The following AGTPBP1 variants were observed in gnomAD, a reference collection of about 807,000 sequenced individuals.
AGTPBP1 encodes the protein ATP/GTP binding carboxypeptidase 1.
In AGTPBP1, 70 loss-of-function variants were observed where a neutral mutation model predicts 143.9. That is an observed-to-expected ratio of 0.49 (90% CI 0.40 to 0.59). AGTPBP1 has a LOEUF of 0.59. Ranked by LOEUF, AGTPBP1 falls within the 20% of genes least tolerant of loss-of-function variation. The probability of loss-of-function intolerance (pLI) is 0.00; values close to 1 mark genes in which losing one functional copy is unlikely to be tolerated. For synonymous variants in AGTPBP1, 463 were observed against 500.2 expected (o/e 0.93, Z 0.99); for missense variants, 1,229 against 1,464.5 (o/e 0.84, Z 2.62).
the AGTPBP1 span, chr9:85,805,299 C>T: frequency 2.6e-5 from 4 of 151,422 alleles, no homozygotes; most frequent in Admixed American, 2.0e-4. Flanking sequence ...TCACGCCGCC[C>T]CCTCCGCCCG....
chr9:85,586,335 C>T (rs956378613), intron 22 of AGTPBP1, among the ~76,000 whole-genome samples: 1 of 151,934 alleles, frequency 6.6e-6, no homozygotes. Flanking sequence ...AAACAAAGGA[C>T]ATGTCAATTT....
intron 2 of AGTPBP1, among the ~76,000 whole-genome samples, chr9:85,704,580 A>G (rs1314210274): frequency 2.6e-5 from 4 of 152,232 alleles, no homozygotes; most frequent in Non-Finnish European, 5.9e-5. Context: ...CTATCTAACA[A>G]ACATTAAAAG....
the AGTPBP1 span, among the ~76,000 whole-genome samples, chr9:85,755,613 C>T: frequency 0.057 from 8,728 of 151,886 alleles, 1,003 homozygotes; most frequent in East Asian, 0.56. Context: ...ATTGAATGCC[C>T]ACTGTGGCCC....
intron 25 of AGTPBP1, among the ~76,000 whole-genome samples, chr9:85,550,777 C>T (rs1384056493): frequency 6.6e-6 from 1 of 152,172 alleles, no homozygotes; most frequent in African/African-American, 2.4e-5. Context: ...TCATGCAAAC[C>T]AAAGTTCGCT....
chr9:85,741,956 T>A, upstream of AGTPBP1: 1 of 1,260,536 alleles, frequency 7.9e-7, no homozygotes, highest in Non-Finnish European at 9.9e-7. Flanking sequence ...GCGGAACCTG[T>A]CCGCATCCCG....
chr9:85,574,290 A>T (rs1417861317), intron 25 of AGTPBP1, among the ~76,000 whole-genome samples: 1 of 152,050 alleles, frequency 6.6e-6, no homozygotes, highest in African/African-American at 2.4e-5. Context: ...ATTAAGAGTC[A>T]TCACCACTCC....
At chr9:85,798,806 C>A in the AGTPBP1 span, among the ~76,000 whole-genome samples, 1 of 152,050 alleles carries the variant, frequency 6.6e-6, no homozygotes, top group African/African-American at 2.4e-5. Flanking sequence ...TGCCTGTAGT[C>A]CCAGCTACTT....
intron 1 of AGTPBP1, among the ~76,000 whole-genome samples, chr9:85,715,117 C>G (rs1472916150): frequency 6.6e-6 from 1 of 151,862 alleles, no homozygotes; most frequent in Admixed American, 6.6e-5. Context: ...CCTGGTGGTG[C>G]AAGCCTGTAA....
chr9:85,747,437 T>G, the AGTPBP1 span, among the ~76,000 whole-genome samples: 1 of 152,204 alleles, frequency 6.6e-6, no homozygotes, highest in Non-Finnish European at 1.5e-5. Context: ...TGATAAGGAT[T>G]GTTGAATCTC....
At chr9:85,630,533 G>A (rs1831606928) in intron 14 of AGTPBP1, among the ~76,000 whole-genome samples, 1 of 152,120 alleles carries the variant, frequency 6.6e-6, no homozygotes, top group Admixed American at 6.5e-5. Flanking sequence ...AGGCTGGAGT[G>A]CAGTGGCACG....
chr9:85,615,348 T>C (rs187758707), intron 17 of AGTPBP1, among the ~76,000 whole-genome samples: 183 of 152,226 alleles, frequency 1.2e-3, no homozygotes, highest in African/African-American at 4.4e-3. Flanking sequence ...CAGAAACATA[T>C]ATGTAAACAA....
chr9:85,677,179 G>A (rs1834880764), intron 6 of AGTPBP1, among the ~76,000 whole-genome samples: 2 of 152,122 alleles, frequency 1.3e-5, no homozygotes, highest in African/African-American at 4.8e-5. Context: ...AGCTATAAGA[G>A]AAGATATGGA....
intron 9 of AGTPBP1, among the ~76,000 whole-genome samples, chr9:85,659,810 C>G (rs986488355): frequency 6.6e-6 from 1 of 152,092 alleles, no homozygotes; most frequent in African/African-American, 2.4e-5. Flanking sequence ...AATCTTTATA[C>G]AGTTTGAACC....
At chr9:85,642,456 G>C (rs1012032675) in intron 13 of AGTPBP1, among the ~76,000 whole-genome samples, 3 of 151,742 alleles carry the variant, frequency 2.0e-5, no homozygotes, top group Non-Finnish European at 4.4e-5. Context: ...AGCCTCCCAA[G>C]TAACTGGGAC....
intron 14 of AGTPBP1, among the ~76,000 whole-genome samples, chr9:85,626,570 T>C (rs1044945396): frequency 6.6e-6 from 1 of 152,212 alleles, no homozygotes; most frequent in African/African-American, 2.4e-5. Flanking sequence ...ATGTATTTTT[T>C]AAAATAAGCA....
intron 25 of AGTPBP1, among the ~76,000 whole-genome samples, chr9:85,550,267 G>T (rs555822320): frequency 1.3e-5 from 2 of 152,152 alleles, no homozygotes; most frequent in Middle Eastern, 3.4e-3. Flanking sequence ...TACTGAGACA[G>T]GGGAAAGAGA....
chr9:85,674,674 T>G (rs1319025788), intron 6 of AGTPBP1, among the ~76,000 whole-genome samples: 1 of 152,134 alleles, frequency 6.6e-6, no homozygotes, highest in Non-Finnish European at 1.5e-5. Flanking sequence ...GTCTTAAGGC[T>G]CCTAATATAC....
intron 4 of AGTPBP1, among the ~76,000 whole-genome samples, chr9:85,679,438 C>A (rs984294019): frequency 1.3e-5 from 2 of 151,598 alleles, no homozygotes; most frequent in African/African-American, 4.8e-5. Context: ...GACGGAGTCT[C>A]GCTCTGTCAC....
the AGTPBP1 span, among the ~76,000 whole-genome samples, chr9:85,777,633 G>A: frequency 6.6e-5 from 10 of 152,298 alleles, no homozygotes; most frequent in South Asian, 2.1e-4. Flanking sequence ...GAGGTCATCC[G>A]TTGGTGAGCA....
Sources: gnomAD v4.1 joint callset for allele counts (sites outside exome capture counted in the v4.1 genomes callset) on GRCh38, gnomAD v4.1.1 for gene constraint, MANE v1.5 for transcripts, NCBI Gene and HGNC (gene_info 2026-07-23, HGNC 2026-07-21) for gene names.